FAM120B: variants seen among roughly 807,000 people sequenced by gnomAD.
FAM120B encodes the protein constitutive coactivator of peroxisome proliferator-activated receptor gamma.
FAM120B carries 83 observed loss-of-function variants against 96.3 expected under a neutral mutation model. The observed-to-expected ratio is 0.86, with a 90% CI of 0.72 to 1.03. The LOEUF is 1.03. Among genes scored for constraint, FAM120B ranks in the 50% least tolerant of loss-of-function variants. FAM120B has a pLI of 0.00. For synonymous variants in FAM120B, 407 were observed against 402.7 expected (o/e 1.01, Z -0.13); for missense variants, 1,027 against 1,121.2 (o/e 0.92, Z 1.20).
At chr6:170,302,448 A>C (rs990325069), upstream of FAM120B, among the ~76,000 whole-genome samples, 1 of 152,342 alleles carries the variant, frequency 6.6e-6, no homozygotes, top group East Asian at 1.9e-4. Context: ...TCATTGCCCA[A>C]ATAAAATCTT....
At chr6:170,312,466 A>C (rs1224632424) in intron 1 of FAM120B, among the ~76,000 whole-genome samples, 1 of 152,222 alleles carries the variant, frequency 6.6e-6, no homozygotes, top group Non-Finnish European at 1.5e-5. Context: ...TATAAATAAA[A>C]TTGTACCACA....
chr6:170,361,762 G>A (rs4334967), intron 6 of FAM120B, among the ~76,000 whole-genome samples: 5 of 152,266 alleles, frequency 3.3e-5, no homozygotes, highest in Admixed American at 6.5e-5. Context: ...ATACACATAC[G>A]TATAGATGTA....
intron 6 of FAM120B, among the ~76,000 whole-genome samples, chr6:170,375,909 G>A (rs1297752615): frequency 6.6e-6 from 1 of 152,202 alleles, no homozygotes; most frequent in African/African-American, 2.4e-5. Context: ...AACAAGGGAA[G>A]GAGCGGGACT....
intron 3 of FAM120B, 31 bp downstream of exon 3, chr6:170,323,290 GT>G: frequency 6.3e-7 from 1 of 1,575,900 alleles, no homozygotes; most frequent in Non-Finnish European, 8.6e-7. Context: ...CTTAGTAAAG[GT>G]TCTATTTGGA....
Position 170,318,351 on chromosome 6 carries a change from G to A in FAM120B, c.961G>A (p.Val321Ile). 1 of 1,614,210 alleles carries A rather than the reference G, an allele frequency of 6.2e-7. No homozygotes were observed. Among genetic ancestry groups the A allele is most frequent in the Non-Finnish European group, 8.5e-7 (1 of 1,180,042 alleles). Residue 321 changes from valine (V) to isoleucine (I), a missense_variant, in exon 2 of 11, where the codon GTA becomes ATA. By Grantham distance (29) the Val-to-Ile change is conservative. This residue lies in a region of FAM120B where 880 missense variants were observed against 980.9 expected (regional missense o/e 0.90). Transcript: ENST00000476287. ...SPWFFQKPKG[V>I]ITLDKQVIST... ...ATGGTTTTTCCAAAAACCCAAAGGT[G>A]TAATAACTTTGGACAAACAAGTAAT...
chr6:170,291,147 C>T (rs977649581), upstream of FAM120B: 4 of 537,010 alleles, frequency 7.4e-6, no homozygotes, highest in Non-Finnish European at 1.4e-5. Context: ...TCCCCTGCCC[C>T]CGCCCCCAGC....
At chr6:170,382,488 C>A (rs1392022384) in intron 6 of FAM120B, among the ~76,000 whole-genome samples, 1 of 152,140 alleles carries the variant, frequency 6.6e-6, no homozygotes, top group East Asian at 1.9e-4. Context: ...AAATCACTTG[C>A]ATTTCTATAT....
chr6:170,393,067 T>G (rs1012694102), intron 8 of FAM120B, among the ~76,000 whole-genome samples: 2 of 151,422 alleles, frequency 1.3e-5, no homozygotes, highest in East Asian at 3.9e-4. Flanking sequence ...ATCTGAGCAC[T>G]TTGGCAGGCT....
At chr6:170,323,729 G>A (rs1785434126) in intron 3 of FAM120B, among the ~76,000 whole-genome samples, 1 of 152,106 alleles carries the variant, frequency 6.6e-6, no homozygotes, top group South Asian at 2.1e-4. Context: ...TTTGTAATTT[G>A]TGTTTTTTCT....
chr6:170,402,198 G>C (rs887146488), intron 9 of FAM120B, among the ~76,000 whole-genome samples: 1 of 152,218 alleles, frequency 6.6e-6, no homozygotes, highest in African/African-American at 2.4e-5. Flanking sequence ...ATCTAGTCTT[G>C]CTTTAATATT....
chr6:170,342,257 G>T (rs111674160), intron 4 of FAM120B, among the ~76,000 whole-genome samples: 4 of 152,198 alleles, frequency 2.6e-5, no homozygotes, highest in African/African-American at 9.6e-5. Flanking sequence ...AATTGAACTT[G>T]TGAATTTAAG....
upstream of FAM120B, among the ~76,000 whole-genome samples, chr6:170,306,118 T>C (rs1212651218): frequency 6.6e-6 from 1 of 152,170 alleles, no homozygotes; most frequent in Admixed American, 6.5e-5. Context: ...CTGAAACAAC[T>C]TTCAGCTGAA....
intron 1 of FAM120B, among the ~76,000 whole-genome samples, chr6:170,312,846 G>A (rs1276819909): frequency 6.6e-6 from 1 of 152,214 alleles, no homozygotes; most frequent in Admixed American, 6.5e-5. Flanking sequence ...GCAGAGTGAA[G>A]GGGTGAGGGG....
intron 5 of FAM120B, among the ~76,000 whole-genome samples, chr6:170,355,604 C>T (rs546305619): frequency 4.6e-5 from 7 of 152,102 alleles, no homozygotes; most frequent in South Asian, 2.1e-4. Flanking sequence ...CAGGAAGAAT[C>T]GCTAATGGAT....
chr6:170,400,231 A>G (rs1430432954), intron 9 of FAM120B, among the ~76,000 whole-genome samples: 1 of 152,202 alleles, frequency 6.6e-6, no homozygotes, highest in East Asian at 1.9e-4. Context: ...GGAAGGTAGA[A>G]CTATGTCATA....
chr6:170,391,585 C>T (rs1232017893), intron 8 of FAM120B, among the ~76,000 whole-genome samples: 1 of 152,074 alleles, frequency 6.6e-6, no homozygotes, highest in Non-Finnish European at 1.5e-5. Context: ...ATTCTGGTCC[C>T]AGCAGGAAAA....
upstream of FAM120B, among the ~76,000 whole-genome samples, chr6:170,303,307 C>A (rs572011873): frequency 6.6e-6 from 1 of 152,124 alleles, no homozygotes; most frequent in Non-Finnish European, 1.5e-5. Context: ...TGGCACAATC[C>A]CAGCTCACTG....
intron 5 of FAM120B, among the ~76,000 whole-genome samples, chr6:170,349,489 C>T (rs1302196550): frequency 6.6e-6 from 1 of 152,200 alleles, no homozygotes; most frequent in Non-Finnish European, 1.5e-5. Flanking sequence ...TCTGCCCATT[C>T]TATAGCTTGC....
At chr6:170,392,123 A>G (rs1421664965) in intron 8 of FAM120B, among the ~76,000 whole-genome samples, 1 of 152,180 alleles carries the variant, frequency 6.6e-6, no homozygotes, top group Non-Finnish European at 1.5e-5. Context: ...ATTTTAGGTA[A>G]ATGATCACTG....
Sources: allele counts gnomAD v4.1 joint callset (sites outside exome capture counted in the v4.1 genomes callset), GRCh38; gene constraint gnomAD v4.1.1; regional missense constraint gnomAD v4.1.1; transcripts MANE v1.5; gene names NCBI Gene and HGNC (gene_info 2026-07-23, HGNC 2026-07-21).